The following SGCG variants were observed in gnomAD, a reference collection of about 807,000 sequenced individuals.
The protein encoded by SGCG is sarcoglycan gamma, also known as gamma-sarcoglycan.
In SGCG, 26 loss-of-function variants were observed where a neutral mutation model predicts 29.3. The observed-to-expected ratio is 0.89, with a 90% CI of 0.65 to 1.23. The LOEUF is 1.23. Ranked by LOEUF, SGCG falls within the 50% of genes most tolerant of loss-of-function variation. The probability of loss-of-function intolerance (pLI) is 0.00; values close to 1 mark genes in which losing one functional copy is unlikely to be tolerated. For missense variants in SGCG, 353 were observed against 356.0 expected (o/e 0.99, Z 0.07); for synonymous variants, 145 against 129.7 (o/e 1.12, Z -0.80).
intron 3 of SGCG, among the ~76,000 whole-genome samples, chr13:23,235,650 C>T (rs138190510): frequency 6.6e-6 from 1 of 152,252 alleles, no homozygotes; most frequent in East Asian, 1.9e-4. Context: ...ATAGTAGGCA[C>T]GAACATTTTG....
upstream of SGCG, among the ~76,000 whole-genome samples, chr13:23,177,801 A>G (rs1317182470): frequency 6.7e-6 from 1 of 149,730 alleles, no homozygotes; most frequent in Non-Finnish European, 1.5e-5. Flanking sequence ...CTGGTTTTGA[A>G]CTCCTGACCT....
At chr13:23,172,575 A>T in the SGCG span, among the ~76,000 whole-genome samples, 1 of 152,204 alleles carries the variant, frequency 6.6e-6, no homozygotes, top group South Asian at 2.1e-4. Flanking sequence ...TAACCATATT[A>T]TTGAGTATGT....
At chr13:23,271,664 TG>T (rs201800983) in intron 4 of SGCG, among the ~76,000 whole-genome samples, 2 of 152,230 alleles carry the variant, frequency 1.3e-5, no homozygotes, top group African/African-American at 2.4e-5. Context: ...CTTGTATGTT[TG>T]TTTTTACATA....
chr13:23,188,808 T>C (rs993493825), intron 1 of SGCG, among the ~76,000 whole-genome samples: 1 of 151,994 alleles, frequency 6.6e-6, no homozygotes, highest in Non-Finnish European at 1.5e-5. Flanking sequence ...TTCCTCTATG[T>C]GAGATAAATG....
chr13:23,223,148 G>T (rs1316972411), intron 2 of SGCG, among the ~76,000 whole-genome samples: 1 of 151,782 alleles, frequency 6.6e-6, no homozygotes, highest in Non-Finnish European at 1.5e-5. Flanking sequence ...TGTGGTGGCG[G>T]GCGCCTGTAG....
chr13:23,250,910 C>T (rs1879940319), intron 4 of SGCG, among the ~76,000 whole-genome samples, 193 bp downstream of exon 4: 1 of 152,154 alleles, frequency 6.6e-6, no homozygotes, highest in African/African-American at 2.4e-5. Flanking sequence ...GCCTGAAGTG[C>T]TTTGATTAGA....
chr13:23,219,865 T>C (rs1878588894), intron 2 of SGCG, among the ~76,000 whole-genome samples: 1 of 135,270 alleles, frequency 7.4e-6, no homozygotes. Context: ...GGAGTCTCGC[T>C]CTGTCGCCCA....
chr13:23,270,618 A>G (rs948151906), intron 4 of SGCG, among the ~76,000 whole-genome samples: 1 of 152,170 alleles, frequency 6.6e-6, no homozygotes, highest in Admixed American at 6.5e-5. Context: ...TTTTCTATCC[A>G]ATTTTTAAGT....
At chr13:23,192,149 T>A (rs1300227516) in intron 1 of SGCG, among the ~76,000 whole-genome samples, 2 of 134,518 alleles carry the variant, frequency 1.5e-5, no homozygotes, top group Non-Finnish European at 3.1e-5. Flanking sequence ...CACTCCAGCC[T>A]GGGCGACAGA....
chr13:23,234,983 T>C (rs1184850943), intron 3 of SGCG, among the ~76,000 whole-genome samples: 1 of 152,216 alleles, frequency 6.6e-6, no homozygotes, highest in Non-Finnish European at 1.5e-5. Flanking sequence ...TGAAAATTTT[T>C]ACCAAGAACA....
chr13:23,300,809 TAAA>T (rs58050317), intron 6 of SGCG, among the ~76,000 whole-genome samples: 1,427 of 122,436 alleles, frequency 0.012, 7 homozygotes, highest in Middle Eastern at 0.018. Flanking sequence ...ACTAGTTTAC[TAAA>T]AAAAAAAAAA....
intron 4 of SGCG, among the ~76,000 whole-genome samples, chr13:23,263,001 A>T: frequency 6.6e-6 from 1 of 152,062 alleles, no homozygotes; most frequent in East Asian, 1.9e-4. Context: ...ATATAGCAAA[A>T]GCAGTACTAA....
chr13:23,286,005 C>A lies in SGCG; in HGVS notation c.505+6527C>A, dbSNP rs543029600. 1.7e-3 allele frequency among the ~76,000 whole-genome samples: 263 copies of A among 152,330 alleles called. 2 individuals carry two copies. Among genetic ancestry groups the A allele is most frequent in the African/African-American group, 6.1e-3 (254 of 41,582 alleles). ...AGTTGGAAATGCAGAAATCACCCAT[C>A]TTCTGCATTAATCTCGCTGGGAGCT... On this transcript the variant is annotated intron_variant, in intron 5 of 7. Transcript: ENST00000218867.
intron 2 of SGCG, among the ~76,000 whole-genome samples, chr13:23,204,370 C>A (rs903881803): frequency 3.3e-5 from 5 of 152,142 alleles, no homozygotes; most frequent in African/African-American, 1.2e-4. Context: ...CTGAGGAATT[C>A]ATATTCTATT....
the SGCG span, among the ~76,000 whole-genome samples, chr13:23,160,751 G>A: frequency 3.3e-5 from 5 of 152,018 alleles, no homozygotes; most frequent in African/African-American, 1.2e-4. Context: ...GTTGTTAGAC[G>A]TCCCTATGCC....
chr13:23,254,495 T>C (rs972589940), intron 4 of SGCG, among the ~76,000 whole-genome samples: 1 of 150,202 alleles, frequency 6.7e-6, no homozygotes, highest in South Asian at 2.1e-4. Context: ...CAATCAGATA[T>C]AAGAGCAAAA....
chr13:23,168,100 GAT>G, the SGCG span, among the ~76,000 whole-genome samples: 11,073 of 152,038 alleles, frequency 0.073, 550 homozygotes, highest in East Asian at 0.12. Flanking sequence ...GAGCTCCCTA[GAT>G]ATTCTGGTTA....
At chr13:23,302,910 A>G (rs1021664546) in intron 6 of SGCG, among the ~76,000 whole-genome samples, 2 of 152,182 alleles carry the variant, frequency 1.3e-5, no homozygotes, top group African/African-American at 4.8e-5. Context: ...TTTATTTTTT[A>G]AAAAGTCACT....
intron 5 of SGCG, among the ~76,000 whole-genome samples, chr13:23,291,646 T>C (rs542640550): frequency 6.6e-6 from 1 of 152,326 alleles, no homozygotes; most frequent in East Asian, 1.9e-4. Context: ...TTTATAGATT[T>C]TATATCTCCC....
Sources: allele counts gnomAD v4.1 joint callset (sites outside exome capture counted in the v4.1 genomes callset), GRCh38; gene constraint gnomAD v4.1.1; transcripts MANE v1.5; gene names NCBI Gene and HGNC (gene_info 2026-07-23, HGNC 2026-07-21).